Variants in PPFIBP2 observed in about 807,000 individuals in gnomAD.
PPFIBP2 encodes liprin-beta-2.
A neutral mutation model predicts 118.3 loss-of-function variants in PPFIBP2; 118 were observed. The observed-to-expected ratio is 1.00, with a 90% confidence interval of 0.86 to 1.16. PPFIBP2 has a LOEUF of 1.16. PPFIBP2 is among the 50% of genes most tolerant of loss of function. The pLI is 0.00. For synonymous variants in PPFIBP2, 414 were observed against 397.4 expected (o/e 1.04, Z -0.50); for missense variants, 1,195 against 1,073.1 (o/e 1.11, Z -1.59).
chr11:7,607,153 G>A (rs549721185), intron 5 of PPFIBP2, among the ~76,000 whole-genome samples: 15 of 148,954 alleles, frequency 1.0e-4, no homozygotes, highest in Admixed American at 7.3e-4. Context: ...CTCGTGATCC[G>A]CCCGCCTCGG....
chr11:7,568,405 A>C (rs1369274796), intron 3 of PPFIBP2, among the ~76,000 whole-genome samples: 1 of 152,206 alleles, frequency 6.6e-6, no homozygotes, highest in Admixed American at 6.5e-5. Context: ...ATGTCCTTAC[A>C]AGACACAACT....
At chr11:7,633,858 A>G (rs908953206) in intron 12 of PPFIBP2, among the ~76,000 whole-genome samples, 21 of 152,178 alleles carry the variant, frequency 1.4e-4, no homozygotes, top group African/African-American at 5.1e-4. Flanking sequence ...TACTCGTATA[A>G]TCTGAGAAAT....
intron 23 of PPFIBP2, among the ~76,000 whole-genome samples, chr11:7,652,603 G>A (rs1854207085): frequency 6.6e-6 from 1 of 152,216 alleles, no homozygotes; most frequent in African/African-American, 2.4e-5. Context: ...GAGCAACCTG[G>A]GGCTATCCTA....
At chr11:7,617,159 G>A in intron 6 of PPFIBP2, 1 of 984,962 alleles carries the variant, frequency 1.0e-6, no homozygotes, top group Non-Finnish European at 1.2e-6. Flanking sequence ...TGTGTAGGCT[G>A]CAGCTGGACA....
chr11:7,515,898 A>T (rs1278504294), intron 1 of PPFIBP2, among the ~76,000 whole-genome samples: 1 of 152,220 alleles, frequency 6.6e-6, no homozygotes, highest in Non-Finnish European at 1.5e-5. Flanking sequence ...AGAGCTTCTC[A>T]AAGTTGAGAA....
intron 5 of PPFIBP2, chr11:7,598,371 A>G (rs1221913736): frequency 1.2e-5 from 2 of 165,866 alleles, no homozygotes; most frequent in Non-Finnish European, 2.6e-5. Context: ...ATCAGAATTG[A>G]CTTAACTTTT....
intron 2 of PPFIBP2, among the ~76,000 whole-genome samples, chr11:7,561,424 A>G (rs1348944132): frequency 1.3e-5 from 2 of 152,154 alleles, no homozygotes; most frequent in African/African-American, 2.4e-5. Flanking sequence ...ATATTCCAGA[A>G]GTTAATTTTA....
chr11:7,534,148 T>C (rs369077623), intron 1 of PPFIBP2, among the ~76,000 whole-genome samples: 34 of 152,162 alleles, frequency 2.2e-4, no homozygotes, highest in African/African-American at 7.2e-4. Flanking sequence ...ACCAAATGAG[T>C]CATCAGGAAC....
chr11:7,605,843 A>T, intron 5 of PPFIBP2: 1 of 1,403,486 alleles, frequency 7.1e-7, no homozygotes, highest in Non-Finnish European at 9.2e-7. Context: ...AAGCAAACAC[A>T]TTCTGGATAC....
chr11:7,603,606 A>C (rs1846949530), intron 5 of PPFIBP2, among the ~76,000 whole-genome samples: 1 of 152,148 alleles, frequency 6.6e-6, no homozygotes, highest in Non-Finnish European at 1.5e-5. Flanking sequence ...GATGGAGGTA[A>C]TTGCTTCAAG....
At chr11:7,651,527 A>G in intron 22 of PPFIBP2, 129 bp from the exon 23 acceptor site, 1 of 781,280 alleles carries the variant, frequency 1.3e-6, no homozygotes, top group Non-Finnish European at 2.1e-6. Flanking sequence ...TGGGACTCAG[A>G]ACAAGTGACT....
chr11:7,625,461 G>C (rs1039876053), intron 7 of PPFIBP2, among the ~76,000 whole-genome samples: 2 of 152,254 alleles, frequency 1.3e-5, no homozygotes, highest in Non-Finnish European at 2.9e-5. Flanking sequence ...CCCTCCCATT[G>C]CACACAATCC....
the PPFIBP2 span, among the ~76,000 whole-genome samples, chr11:7,663,155 G>T: frequency 2.3e-5 from 3 of 131,688 alleles, 1 homozygote; most frequent in Non-Finnish European, 5.4e-5. Flanking sequence ...GCTCGTCAAA[G>T]TCATTCTCCA....
Position 7,653,501 on chromosome 11 carries a change from G to A in PPFIBP2, c.*283G>A, listed in dbSNP as rs536649085. ...TAGTAATTCTTGATGTTCATCTTCA[G>A]CACCAGTGGAAACACATGAACTTCG... On this transcript the variant is annotated 3_prime_UTR_variant, in exon 24 of 24. Coordinates refer to ENST00000299492, the MANE Select transcript of PPFIBP2 (RefSeq NM_003621.5). 7.2e-7 allele frequency: 1 copy of A among 1,394,516 alleles called. No individual in the cohort carries two copies. Among genetic ancestry groups the A allele is most frequent in the Admixed American group, 2.1e-5 (1 of 46,532 alleles). 86.4% of individuals were successfully genotyped at this position (1,394,516 alleles called of 1,614,324 possible). A position where few individuals can be genotyped will look rare whatever the true frequency, so the allele number is the denominator to read the frequency against.
chr11:7,588,421 A>G (rs184355984), intron 3 of PPFIBP2, among the ~76,000 whole-genome samples: 1 of 152,072 alleles, frequency 6.6e-6, no homozygotes, highest in East Asian at 1.9e-4. Flanking sequence ...CAGCTGATAC[A>G]TTTTCCTGAG....
intron 9 of PPFIBP2, 84 bp from the exon 10 acceptor site, chr11:7,629,375 C>T (rs1236988198): frequency 1.5e-6 from 2 of 1,332,190 alleles, no homozygotes; most frequent in Non-Finnish European, 2.2e-6. Flanking sequence ...CTCCTTGTGC[C>T]AAGAACATAG....
intron 14 of PPFIBP2, among the ~76,000 whole-genome samples, chr11:7,638,644 T>C (rs1422189048): frequency 6.6e-6 from 1 of 152,272 alleles, no homozygotes; most frequent in South Asian, 2.1e-4. Context: ...TGTTTTGTTT[T>C]TTATATTACT....
At chr11:7,563,561 G>T (rs1854591929) in intron 2 of PPFIBP2, among the ~76,000 whole-genome samples, 1 of 152,150 alleles carries the variant, frequency 6.6e-6, no homozygotes, top group Non-Finnish European at 1.5e-5. Context: ...GAGGAGGTTG[G>T]CTCTGAGAAG....
chr11:7,550,063 G>A (rs1388481914), intron 2 of PPFIBP2, among the ~76,000 whole-genome samples: 1 of 152,164 alleles, frequency 6.6e-6, no homozygotes, highest in East Asian at 1.9e-4. Context: ...ATTTGCATTA[G>A]CCAGTAGGGG....
Sources: gnomAD v4.1 joint callset for allele counts (sites outside exome capture counted in the v4.1 genomes callset) on GRCh38, gnomAD v4.1.1 for gene constraint, MANE v1.5 for transcripts, NCBI Gene and HGNC (gene_info 2026-07-23, HGNC 2026-07-21) for gene names.